TACC2: variants seen among roughly 807,000 people sequenced by gnomAD.
TACC2 encodes the protein transforming acidic coiled-coil-containing protein 2.
In TACC2, 137 loss-of-function variants were observed where a neutral mutation model predicts 227.3. The observed-to-expected ratio is 0.60, with a 90% CI of 0.52 to 0.69. The LOEUF (loss-of-function observed/expected upper bound fraction) is 0.69. TACC2 is among the 30% of genes least tolerant of loss of function. The pLI, the probability that TACC2 is intolerant of heterozygous loss-of-function variation, is 0.00. For missense variants in TACC2, 3,470 were observed against 3,694.4 expected, an observed-to-expected ratio of 0.94 and a Z score of 1.57; for synonymous variants, 1,523 against 1,487.5, an observed-to-expected ratio of 1.02 and a Z score of -0.55.
intron 8 of TACC2, among the ~76,000 whole-genome samples, chr10:122,203,686 G>T (rs1190811495): frequency 2.0e-5 from 3 of 151,424 alleles, no homozygotes; most frequent in Non-Finnish European, 4.4e-5. Context: ...GGGCAGCCAG[G>T]CAGAGGGGCT....
chr10:122,020,417 G>A (rs1957189383), intron 1 of TACC2, among the ~76,000 whole-genome samples: 1 of 152,082 alleles, frequency 6.6e-6, no homozygotes, highest in South Asian at 2.1e-4. Context: ...ATTGAATGCT[G>A]TGGTGACGTC....
rs750449339 is a variant in TACC2, at chr10:122,084,515, C to A, written c.2015C>A (p.Pro672His). The A allele has an allele frequency of 1.2e-6, 2 of 1,613,582 alleles. No individual in the cohort carries two copies. Among genetic ancestry groups the A allele is most frequent in the Non-Finnish European group, 1.7e-6 (2 of 1,180,026 alleles). The change falls in exon 4 of 23, where the codon CCT becomes CAT. Residue 672 changes from proline (P) to histidine (H), a missense_variant. Pro to His is a moderately conservative substitution (Grantham distance 77, BLOSUM62 -2). This residue lies in a region of TACC2 where 1,924 missense variants were observed against 1,978.3 expected (regional missense o/e 0.97). Transcript: ENST00000369005. Reference sequence around the variant, plus strand: ...GGTGAGGAGGACCCCGTCCTGCCCCCTGTGCCAGATGGAGCTGGTGAGCCC... The same window carrying A: ...GGTGAGGAGGACCCCGTCCTGCCCCATGTGCCAGATGGAGCTGGTGAGCCC... Reference protein sequence around the residue: ...KLGEEDPVLPPVPDGAGEPTV... With the variant: ...KLGEEDPVLPHVPDGAGEPTV...
chr10:122,041,196 C>T (rs1436092719), intron 2 of TACC2, among the ~76,000 whole-genome samples: 1 of 152,194 alleles, frequency 6.6e-6, no homozygotes, highest in Non-Finnish European at 1.5e-5. Context: ...TATATGTGCA[C>T]ATCTTGTTTA....
intron 5 of TACC2, among the ~76,000 whole-genome samples, chr10:122,122,698 T>TG (rs2086076615): frequency 1.3e-5 from 2 of 152,088 alleles, no homozygotes; most frequent in Admixed American, 1.3e-4. Context: ...CCTGTGCTCT[T>TG]GGACGCGGGT....
chr10:122,197,030 G>A (rs925835344), intron 8 of TACC2, among the ~76,000 whole-genome samples: 25 of 152,062 alleles, frequency 1.6e-4, no homozygotes, highest in African/African-American at 2.9e-4. Context: ...GGAGGCCAAG[G>A]AGGGTGGATC....
At chr10:122,001,218 A>G (rs1036468153) in intron 1 of TACC2, among the ~76,000 whole-genome samples, 2 of 152,236 alleles carry the variant, frequency 1.3e-5, no homozygotes, top group African/African-American at 4.8e-5. Flanking sequence ...GCTAATAAAG[A>G]CATGCCTGAG....
chr10:122,084,068 G>A lies in TACC2; in HGVS notation c.1568G>A (p.Ser523Asn). Residue 523 changes from serine (S) to asparagine (N), a missense_variant, in exon 4 of 23, where the codon AGC becomes AAC. Transcript: ENST00000369005. ...VPPPPLPKEQ[S>N]HEVQPGAPPP... The stretch of plus-strand genomic sequence containing the variant: ...CCCCCTCCTCTTCCCAAGGAGCAAA[G>A]CCATGAGGTCCAACCAGGAGCACCA... 1.2e-6 allele frequency: 2 copies of A among 1,614,122 alleles called. No homozygotes were observed. Among genetic ancestry groups the A allele is most frequent in the Non-Finnish European group, 1.7e-6 (2 of 1,180,018 alleles).
At chr10:122,214,115 C>G (rs181830245) in intron 9 of TACC2, among the ~76,000 whole-genome samples, 1 of 152,268 alleles carries the variant, frequency 6.6e-6, no homozygotes, top group Non-Finnish European at 1.5e-5. Flanking sequence ...AGACATGCAA[C>G]TTTTCCCTGT....
chr10:122,022,208 T>C, intron 2 of TACC2, 194 bp downstream of exon 2: 2 of 566,862 alleles, frequency 3.5e-6, no homozygotes, highest in South Asian at 5.1e-5. Flanking sequence ...TAAGGCTAGC[T>C]CTAGTTAAAG....
chr10:122,148,006 C>T (rs897776395), intron 7 of TACC2, among the ~76,000 whole-genome samples: 1 of 152,084 alleles, frequency 6.6e-6, no homozygotes, highest in South Asian at 2.1e-4. Flanking sequence ...GGATGAGTTC[C>T]TGGAGGTTTT....
chr10:122,148,351 G>A (rs1336311366), intron 7 of TACC2, among the ~76,000 whole-genome samples: 1 of 152,278 alleles, frequency 6.6e-6, no homozygotes, highest in Non-Finnish European at 1.5e-5. Context: ...TGATCCGACC[G>A]CCTCAGCCTC....
intron 3 of TACC2, among the ~76,000 whole-genome samples, chr10:122,060,176 G>A (rs2076638988): frequency 6.6e-6 from 1 of 152,340 alleles, no homozygotes; most frequent in Non-Finnish European, 1.5e-5. Context: ...GAGAGATGGC[G>A]AGGTGGGCAG....
intron 5 of TACC2, among the ~76,000 whole-genome samples, chr10:122,130,012 G>A (rs2087732298): frequency 6.6e-6 from 1 of 152,106 alleles, no homozygotes; most frequent in South Asian, 2.1e-4. Flanking sequence ...TTCTGCCTAG[G>A]ATCAATACGG....
intron 2 of TACC2, among the ~76,000 whole-genome samples, chr10:122,049,810 T>C (rs1236549953): frequency 6.6e-6 from 1 of 152,066 alleles, no homozygotes; most frequent in Non-Finnish European, 1.5e-5. Context: ...GCATCCTGGT[T>C]TTAAAAATCA....
intron 1 of TACC2, among the ~76,000 whole-genome samples, chr10:121,997,853 G>A (rs556050344): frequency 1.3e-5 from 2 of 152,170 alleles, no homozygotes; most frequent in East Asian, 1.9e-4. Context: ...ACTCTGATGC[G>A]ATCCCGATCC....
chr10:122,203,643 G>A (rs1231722628), intron 8 of TACC2, among the ~76,000 whole-genome samples: 1 of 151,784 alleles, frequency 6.6e-6, no homozygotes, highest in East Asian at 1.9e-4. Context: ...ATGGGATGGC[G>A]GCCGGGAAGA....
At chr10:122,060,706 A>G (rs1234032774) in intron 3 of TACC2, among the ~76,000 whole-genome samples, 1 of 152,184 alleles carries the variant, frequency 6.6e-6, no homozygotes, top group African/African-American at 2.4e-5. Context: ...CTGGCTTTAG[A>G]AGGAAAAAGA....
intron 3 of TACC2, among the ~76,000 whole-genome samples, chr10:122,061,225 G>A (rs1272310097): frequency 6.8e-6 from 1 of 147,906 alleles, no homozygotes; most frequent in Non-Finnish European, 1.5e-5. Context: ...GCAGCAGAAT[G>A]GCGTGAACCC....
At chr10:122,228,934 C>T (rs1389382437) in intron 14 of TACC2, among the ~76,000 whole-genome samples, 4 of 152,030 alleles carry the variant, frequency 2.6e-5, no homozygotes, top group Non-Finnish European at 5.9e-5. Context: ...ATCATCTTTC[C>T]GTGATTTAGA....
Sources: gnomAD v4.1 joint callset for allele counts (sites outside exome capture counted in the v4.1 genomes callset) on GRCh38, gnomAD v4.1.1 for gene constraint, gnomAD v4.1.1 regional missense constraint, MANE v1.5 for transcripts, NCBI Gene and HGNC (gene_info 2026-07-23, HGNC 2026-07-21) for gene names.